The following PTPRN2 variants were observed in gnomAD, a reference collection of about 807,000 sequenced individuals.
PTPRN2 encodes the protein receptor-type tyrosine-protein phosphatase N2.
A neutral mutation model predicts 118.8 loss-of-function variants in PTPRN2; 74 were observed. That is an observed-to-expected ratio of 0.62 (90% CI 0.52 to 0.76). The LOEUF (loss-of-function observed/expected upper bound fraction) is 0.76, where lower values mean the gene tolerates loss of function less well. Ranked by LOEUF, PTPRN2 falls within the 30% of genes least tolerant of loss-of-function variation. PTPRN2 has a pLI of 0.00. For missense variants in PTPRN2, 1,481 were observed against 1,394.4 expected (o/e 1.06, Z -0.99); for synonymous variants, 641 against 608.0 (o/e 1.05, Z -0.80).
intron 12 of PTPRN2, among the ~76,000 whole-genome samples, chr7:157,696,774 A>G (rs867594829): frequency 8.5e-4 from 115 of 134,632 alleles, no homozygotes; most frequent in Middle Eastern, 9.3e-3. Context: ...AGCCCTCACC[A>G]TCTACCCATG....
At chr7:158,394,900 C>T (rs941699215) in intron 2 of PTPRN2, among the ~76,000 whole-genome samples, 8 of 152,202 alleles carry the variant, frequency 5.3e-5, no homozygotes, top group Non-Finnish European at 7.3e-5. Context: ...AGTGGGACAG[C>T]GGCCAGGCTG....
chr7:157,558,724 C>T (rs1393198554), intron 21 of PTPRN2, among the ~76,000 whole-genome samples: 1 of 152,222 alleles, frequency 6.6e-6, no homozygotes, highest in African/African-American at 2.4e-5. Flanking sequence ...GGGGCCTGGC[C>T]TTTACGGGGG....
chr7:157,590,868 G>A lies in PTPRN2; in HGVS notation c.2496+4370C>T, dbSNP rs1012692859. Reference sequence around the variant, plus strand: ...CCCAGCAGCCCAGTGACCTCCAAACGGACTCCTGACCCATCACCATGTCAT... The same window carrying A: ...CCCAGCAGCCCAGTGACCTCCAAACAGACTCCTGACCCATCACCATGTCAT... On this transcript the variant is annotated intron_variant, in intron 17 of 22. Coordinates refer to ENST00000389418, the MANE Select transcript of PTPRN2 (RefSeq NM_002847.5). The surrounding 1 kb of genome is among the most constrained non-coding windows in gnomAD (Gnocchi z 4.0). 1.3e-5 allele frequency among the ~76,000 whole-genome samples: 2 copies of A among 152,106 alleles called. No homozygotes were observed. Among genetic ancestry groups the A allele is most frequent in the African/African-American group, 4.8e-5 (2 of 41,428 alleles).
At chr7:158,336,495 G>C (rs1178942524) in intron 2 of PTPRN2, among the ~76,000 whole-genome samples, 12 of 128,948 alleles carry the variant, frequency 9.3e-5, no homozygotes, top group East Asian at 2.5e-4. Context: ...GACGCCCGCA[G>C]ATGTCACTCA....
chr7:158,274,592 C>T (rs144061695), intron 3 of PTPRN2, among the ~76,000 whole-genome samples: 110 of 152,138 alleles, frequency 7.2e-4, no homozygotes, highest in African/African-American at 2.2e-3. Flanking sequence ...GAGCCCGAGG[C>T]GCTCGGCCCA....
At chr7:157,620,297 C>T (rs1169799279) in intron 15 of PTPRN2, among the ~76,000 whole-genome samples, 1 of 152,182 alleles carries the variant, frequency 6.6e-6, no homozygotes, top group Non-Finnish European at 1.5e-5. Flanking sequence ...TCCTTGCCCT[C>T]CTCATCTTGT....
At chr7:158,284,361 G>A (rs1225231724) in intron 3 of PTPRN2, among the ~76,000 whole-genome samples, 1 of 152,154 alleles carries the variant, frequency 6.6e-6, no homozygotes, top group Non-Finnish European at 1.5e-5. Flanking sequence ...CTGTGTGTGT[G>A]CCAGGCACTC....
At position 157,785,162 on chromosome 7, in the gene PTPRN2, A is replaced by G. The variant is rs1352656385; in HGVS notation, c.1789-102225T>C. Among the ~76,000 whole-genome samples, 3 of 151,606 alleles carry G rather than the reference A, an allele frequency of 2.0e-5. No individual in the cohort carries two copies. Among genetic ancestry groups the G allele is most frequent in the Non-Finnish European group, 4.4e-5 (3 of 67,912 alleles). ...CCGAACACCGAGAAGCAGCCAGCAC[A>G]GGCTCTCCACAGGGGCTCTGGCATG... On this transcript the variant is annotated intron_variant, in intron 12 of 22. Coordinates refer to ENST00000389418, the MANE Select transcript of PTPRN2 (RefSeq NM_002847.5). This position sits in a 1 kb window ranked among gnomAD's most constrained non-coding sequence, Gnocchi z 7.3.
At chr7:158,128,012 C>A (rs567539441) in intron 9 of PTPRN2, among the ~76,000 whole-genome samples, 1 of 152,304 alleles carries the variant, frequency 6.6e-6, no homozygotes, top group African/African-American at 2.4e-5. Flanking sequence ...CCGAGCCCTA[C>A]CATCCTCCCA....
intron 3 of PTPRN2, among the ~76,000 whole-genome samples, chr7:158,277,252 G>A (rs186994649): frequency 2.1e-4 from 32 of 152,320 alleles, no homozygotes; most frequent in African/African-American, 5.8e-4. Context: ...CAGCCTGTGC[G>A]AATCGGCCTC....
chr7:158,407,557 G>C (rs1411906869), intron 2 of PTPRN2, among the ~76,000 whole-genome samples: 2 of 8,974 alleles, frequency 2.2e-4, no homozygotes, highest in Non-Finnish European at 4.3e-4. Flanking sequence ...CTGCGTCCTG[G>C]GTCCTGTGTC....
At chr7:157,751,370 C>T (rs188514313) in intron 12 of PTPRN2, among the ~76,000 whole-genome samples, 2 of 152,070 alleles carry the variant, frequency 1.3e-5, no homozygotes, top group Non-Finnish European at 2.9e-5. Context: ...GCTGTGGCAG[C>T]GGGTTTATTT....
At chr7:157,802,896 C>T (rs1805405784) in intron 12 of PTPRN2, among the ~76,000 whole-genome samples, 1 of 152,138 alleles carries the variant, frequency 6.6e-6, no homozygotes, top group Non-Finnish European at 1.5e-5. Flanking sequence ...AAGTCCTTTG[C>T]CCATTTTTAA....
At chr7:158,581,578 A>G (rs1287004422) in intron 1 of PTPRN2, among the ~76,000 whole-genome samples, 2 of 152,206 alleles carry the variant, frequency 1.3e-5, no homozygotes, top group African/African-American at 4.8e-5. Flanking sequence ...TCGGTTTTGT[A>G]ACTATTAGTT....
chr7:158,146,658 T>G (rs1175739685), intron 6 of PTPRN2, among the ~76,000 whole-genome samples: 3 of 145,866 alleles, frequency 2.1e-5, no homozygotes, highest in Non-Finnish European at 3.0e-5. Flanking sequence ...GAGGCGGAGC[T>G]AGTAGTGAGC....
intron 14 of PTPRN2, among the ~76,000 whole-genome samples, chr7:157,623,124 T>C (rs2150646859): frequency 6.6e-6 from 1 of 152,340 alleles, no homozygotes; most frequent in East Asian, 1.9e-4. Flanking sequence ...TTCTTTCTTT[T>C]GAGACAATCA....
intron 11 of PTPRN2, among the ~76,000 whole-genome samples, chr7:157,941,598 G>A (rs1800131841): frequency 1.3e-5 from 2 of 152,224 alleles, no homozygotes; most frequent in Non-Finnish European, 1.5e-5. Context: ...CTGTGTAAGA[G>A]TTAGCAGAGA....
intron 1 of PTPRN2, among the ~76,000 whole-genome samples, chr7:158,540,089 T>G (rs1282132155): frequency 6.6e-6 from 1 of 152,134 alleles, no homozygotes; most frequent in Non-Finnish European, 1.5e-5. Flanking sequence ...CTGGTCAGTG[T>G]CCCCACGTGG....
At chr7:158,091,884 G>GGGGGGT (rs1814186448) in intron 10 of PTPRN2, among the ~76,000 whole-genome samples, 1 of 8,828 alleles carries the variant, frequency 1.1e-4, no homozygotes, top group Non-Finnish European at 2.4e-4. Context: ...GTGGGTGAGT[G>GGGGGGT]AGGGATAGGT....
Sources: allele counts gnomAD v4.1 joint callset (sites outside exome capture counted in the v4.1 genomes callset), GRCh38; gene constraint gnomAD v4.1.1; non-coding constraint Gnocchi (gnomAD v3.1); transcripts MANE v1.5; gene names NCBI Gene and HGNC (gene_info 2026-07-23, HGNC 2026-07-21).